The following PTPRR variants were observed in gnomAD, a reference collection of about 807,000 sequenced individuals.
The protein encoded by PTPRR is protein tyrosine phosphatase receptor type R, also known as receptor-type tyrosine-protein phosphatase R.
Under a neutral mutation model 77.2 loss-of-function variants are expected in PTPRR, and 38 were observed. That is an observed-to-expected ratio of 0.49 (90% CI 0.38 to 0.65). The LOEUF is 0.65. PTPRR is among the 30% of genes least tolerant of loss of function. The pLI is 0.00. For synonymous variants in PTPRR, 299 were observed against 283.1 expected (o/e 1.06, Z -0.57); for missense variants, 744 against 799.2 (o/e 0.93, Z 0.83).
chr12:70,673,324 TCTATAAGAGTGAA>T (rs975211855), intron 10 of PTPRR, among the ~76,000 whole-genome samples: 1 of 152,198 alleles, frequency 6.6e-6, no homozygotes, highest in Admixed American at 6.5e-5. Flanking sequence ...CCTGACTTTT[TCTATAAGAGTGAA>T]CACAGATAAA....
At chr12:70,779,292 C>A (rs919785148) in intron 2 of PTPRR, among the ~76,000 whole-genome samples, 2 of 151,898 alleles carry the variant, frequency 1.3e-5, no homozygotes, top group Non-Finnish European at 2.9e-5. Context: ...TTATCTGGCT[C>A]CTATTAACTG....
rs1484185162 is a variant in PTPRR, at chr12:70,639,049, T to C, written c.*135A>G. 4.2e-6 allele frequency: 3 copies of C among 721,014 alleles called. No individual in the cohort carries two copies. The highest frequency in any genetic ancestry group is 4.7e-6 in the Non-Finnish European group (2 of 425,660). 44.7% of individuals were successfully genotyped at this position (721,014 alleles called of 1,614,324 possible). On this transcript the variant is annotated 3_prime_UTR_variant, in exon 14 of 14. Coordinates refer to ENST00000283228, the MANE Select transcript of PTPRR (RefSeq NM_002849.4). Reference sequence around the variant, plus strand: ...GAAATCTTAAATATGTTGCCCAGTCTTCCACAATCCATGCCATACATGGGC... The same window carrying C: ...GAAATCTTAAATATGTTGCCCAGTCCTCCACAATCCATGCCATACATGGGC...
chr12:70,883,937 T>C (rs1348327216), intron 2 of PTPRR, among the ~76,000 whole-genome samples: 1 of 152,218 alleles, frequency 6.6e-6, no homozygotes, highest in Non-Finnish European at 1.5e-5. Flanking sequence ...TTCTATTCTA[T>C]TGTTTCCCTC....
chr12:70,771,927 T>A (rs1890986880), intron 2 of PTPRR, among the ~76,000 whole-genome samples: 1 of 152,176 alleles, frequency 6.6e-6, no homozygotes, highest in South Asian at 2.1e-4. Flanking sequence ...CAATTCTTAT[T>A]CAGTTGTTTG....
intron 12 of PTPRR, 65 bp from the exon 13 acceptor site, chr12:70,656,882 T>C: frequency 9.0e-7 from 1 of 1,113,650 alleles, no homozygotes; most frequent in African/African-American, 1.6e-5. Context: ...AACATTCTTT[T>C]ACAAGGGTAC....
At chr12:70,644,841 G>C (rs1886138318) in intron 13 of PTPRR, among the ~76,000 whole-genome samples, 1 of 152,166 alleles carries the variant, frequency 6.6e-6, no homozygotes, top group African/African-American at 2.4e-5. Context: ...CTAGAAGACA[G>C]GCACAGTGGA....
chr12:70,755,287 A>G (rs1565683900), intron 4 of PTPRR, among the ~76,000 whole-genome samples: 1 of 152,132 alleles, frequency 6.6e-6, no homozygotes, highest in Non-Finnish European at 1.5e-5. Flanking sequence ...GTGAGAGTAC[A>G]TGTCTGTCCT....
chr12:70,791,226 C>T (rs1891417025), intron 2 of PTPRR, among the ~76,000 whole-genome samples: 1 of 152,172 alleles, frequency 6.6e-6, no homozygotes, highest in Non-Finnish European at 1.5e-5. Context: ...AGCACCTCCC[C>T]ATCTTCCACC....
At chr12:70,705,771 T>C (rs948590027) in intron 6 of PTPRR, among the ~76,000 whole-genome samples, 4 of 152,142 alleles carry the variant, frequency 2.6e-5, no homozygotes, top group Non-Finnish European at 4.4e-5. Context: ...TCTGGAGTTG[T>C]CTTCATTAGT....
At chr12:70,853,429 A>G (rs1892603228) in intron 2 of PTPRR, among the ~76,000 whole-genome samples, 1 of 152,174 alleles carries the variant, frequency 6.6e-6, no homozygotes, top group Non-Finnish European at 1.5e-5. Flanking sequence ...AAAAATAGAA[A>G]TCCAAATTTG....
intron 6 of PTPRR, among the ~76,000 whole-genome samples, chr12:70,735,714 G>C (rs775616208): frequency 1.3e-5 from 2 of 152,124 alleles, no homozygotes; most frequent in Non-Finnish European, 2.9e-5. Context: ...TTATTTCTTT[G>C]TGACATTGAG....
At chr12:70,643,990 C>T (rs183481662) in intron 13 of PTPRR, among the ~76,000 whole-genome samples, 165 of 152,250 alleles carry the variant, frequency 1.1e-3, no homozygotes, top group Middle Eastern at 3.4e-3. Flanking sequence ...AGAACTAAAA[C>T]ATAACCCCAG....
intron 6 of PTPRR, among the ~76,000 whole-genome samples, chr12:70,727,846 C>A (rs755112379): frequency 2.0e-5 from 3 of 152,146 alleles, no homozygotes; most frequent in Non-Finnish European, 4.4e-5. Flanking sequence ...ATGTTTAGCC[C>A]GAGCAGACTG....
At position 70,791,233 on chromosome 12, in the gene PTPRR, C is replaced by T. The variant is rs1891417129; in HGVS notation, c.358-26455G>A. On this transcript the variant is annotated intron_variant, in intron 2 of 13. Coordinates refer to ENST00000283228, the MANE Select transcript of PTPRR (RefSeq NM_002849.4). ...TCTCTAATAGCACCTCCCCATCTTCCACCACTCTTCTTTGACTTCCACTTC... is the reference window on the plus strand; with the variant it reads ...TCTCTAATAGCACCTCCCCATCTTCTACCACTCTTCTTTGACTTCCACTTC... Among the ~76,000 whole-genome samples, 7 of 152,138 alleles carry T rather than the reference C, an allele frequency of 4.6e-5. No individual in the cohort carries two copies. In the South Asian group the frequency reaches 1.0e-3, roughly 23 times the overall value.
At chr12:70,914,240 A>AG (rs1330978086) in intron 1 of PTPRR, among the ~76,000 whole-genome samples, 1 of 152,242 alleles carries the variant, frequency 6.6e-6, no homozygotes, top group African/African-American at 2.4e-5. Flanking sequence ...TGTGCAAAGG[A>AG]GGGCAAGATG....
At chr12:70,670,546 T>C (rs144651271) in intron 10 of PTPRR, among the ~76,000 whole-genome samples, 11 of 152,368 alleles carry the variant, frequency 7.2e-5, no homozygotes, top group African/African-American at 2.6e-4. Flanking sequence ...ATATGATCAA[T>C]AAATGGTAGT....
At chr12:70,891,107 G>T (rs984278804) in intron 2 of PTPRR, among the ~76,000 whole-genome samples, 4 of 152,032 alleles carry the variant, frequency 2.6e-5, no homozygotes, top group East Asian at 1.9e-4. Flanking sequence ...CAGCAAAATT[G>T]CCTATTGCCT....
At chr12:70,700,842 C>A (rs112154295) in intron 7 of PTPRR, among the ~76,000 whole-genome samples, 1 of 152,156 alleles carries the variant, frequency 6.6e-6, no homozygotes, top group South Asian at 2.1e-4. Flanking sequence ...CAGTTTAATT[C>A]CCCAGACAGT....
intron 6 of PTPRR, among the ~76,000 whole-genome samples, chr12:70,733,427 C>CAAAAAAAAAAAAAAAAATAAAAAAAA (rs1889734439): frequency 3.7e-5 from 1 of 27,058 alleles, no homozygotes; most frequent in African/African-American, 1.2e-4. Context: ...CAAACAACAA[C>CAAAAAAAAAAAAAAAAATAAAAAAAA]AAAAAAAAAA....
Sources: allele counts gnomAD v4.1 joint callset (sites outside exome capture counted in the v4.1 genomes callset), GRCh38; gene constraint gnomAD v4.1.1; transcripts MANE v1.5; gene names NCBI Gene and HGNC (gene_info 2026-07-23, HGNC 2026-07-21).